The following CORO7 variants were observed in gnomAD, a reference collection of about 807,000 sequenced individuals.
CORO7 encodes coronin-7.
CORO7 carries 107 observed loss-of-function variants against 126.6 expected under a neutral mutation model. The observed-to-expected ratio is 0.85, with a 90% CI of 0.72 to 0.99. The LOEUF is 0.99. Among genes scored for constraint, CORO7 ranks in the 50% least tolerant of loss-of-function variants. The pLI is 0.00. For missense variants in CORO7, 1,314 were observed against 1,255.8 expected (o/e 1.05, Z -0.70); for synonymous variants, 603 against 536.8 (o/e 1.12, Z -1.70).
In CORO7 at chr16:4,362,294, T is replaced by C. The variant is rs975479516; in HGVS notation, c.1403-134A>G. 1.5e-6 allele frequency: 2 copies of C among 1,292,478 alleles called. No individual in the cohort carries two copies. Among genetic ancestry groups the C allele is most frequent in the Non-Finnish European group, 2.1e-6 (2 of 959,386 alleles). The allele number at this position is 1,292,478 out of a possible 1,614,324, so 80.1% of individuals were successfully genotyped here. A position where few individuals can be genotyped will look rare whatever the true frequency, so the allele number is the denominator to read the frequency against. On this transcript the variant is annotated intron_variant, in intron 15 of 27. Coordinates refer to ENST00000251166, the MANE Select transcript of CORO7 (RefSeq NM_024535.5). This position sits in a 1 kb window ranked among gnomAD's most constrained non-coding sequence, Gnocchi z 5.3. ...CATGGACCTAGGCCCAGGCCTTTGC[T>C]AATCCAGTGGATGCAACTCGCCCAG... is the stretch of plus-strand genomic sequence containing the variant.
In CORO7 at chr16:4,360,497, T is replaced by G. The variant is rs2054130845; in HGVS notation, c.1969A>C (p.Lys657Gln). 10 of 1,611,910 alleles carry G rather than the reference T, an allele frequency of 6.2e-6. No individual in the cohort carries two copies. The highest frequency in any genetic ancestry group is 8.5e-6 in the Non-Finnish European group (10 of 1,179,572). The change falls in exon 20 of 28, where the codon AAG (lysine) becomes CAG (glutamine). Residue 657 changes from lysine to glutamine, a missense_variant. Coordinates refer to ENST00000251166, the MANE Select transcript of CORO7 (RefSeq NM_024535.5). ...CTGTAGACCCGCACACGCCCATCCTTGCAGACAGTGGCCAGCTGCTGCCCA... is the reference window on the plus strand; with the variant it reads ...CTGTAGACCCGCACACGCCCATCCTGGCAGACAGTGGCCAGCTGCTGCCCA... ...PDGQQLATVC[K>Q]DGRVRVYRPR...
At chr16:4,387,608 A>C (rs1427966968) in intron 9 of CORO7, among the ~76,000 whole-genome samples, 1 of 139,966 alleles carries the variant, frequency 7.1e-6, no homozygotes, top group African/African-American at 2.7e-5. Flanking sequence ...CTCCTATCAT[A>C]GCCTGGAGCC....
chr16:4,398,079 C>T (rs1295796562), intron 6 of CORO7, among the ~76,000 whole-genome samples: 1 of 151,830 alleles, frequency 6.6e-6, no homozygotes, highest in Admixed American at 6.6e-5. Flanking sequence ...CCAGGCCCTG[C>T]TAATGTTTTA....
intron 23 of CORO7, chr16:4,358,819 C>T (rs2054066350): frequency 3.1e-6 from 1 of 321,468 alleles, no homozygotes; most frequent in Non-Finnish European, 5.7e-6. Flanking sequence ...GACCTCAGCA[C>T]AAATAATAGT....
rs149765522 is a variant in CORO7 at position 4,364,831 on chromosome 16, C to T, written c.988G>A (p.Val330Ile). 1.6e-5 allele frequency: 25 copies of T among 1,612,086 alleles called. No individual in the cohort carries two copies. Among genetic ancestry groups the T allele is most frequent in the African/African-American group, 1.1e-4 (8 of 74,936 alleles). The part of the protein sequence containing the change: ...LAVMSCEVLR[V>I]LQLSDTAIVP... ...ATGGCTGTGTCGCTCAGCTGTAGGACGCGGAGTACCTCGCAGCTCATGACG... is the reference window on the plus strand; with the variant it reads ...ATGGCTGTGTCGCTCAGCTGTAGGATGCGGAGTACCTCGCAGCTCATGACG... Residue 330 changes from valine (V) to isoleucine (I), a missense_variant, in exon 12 of 28, where the codon GTC (valine) becomes ATC (isoleucine). Physicochemically the swap from Val to Ile is conservative, Grantham distance 29. Coordinates refer to ENST00000251166, the MANE Select transcript of CORO7 (RefSeq NM_024535.5).
At chr16:4,373,656 C>G (rs534422471) in intron 9 of CORO7, among the ~76,000 whole-genome samples, 44 of 152,176 alleles carry the variant, frequency 2.9e-4, no homozygotes, top group Admixed American at 5.2e-4. Context: ...ATTACTGTCA[C>G]CCCCACTGAC....
intron 7 of CORO7, among the ~76,000 whole-genome samples, chr16:4,389,749 C>T (rs769383714): frequency 5.9e-5 from 9 of 152,240 alleles, no homozygotes; most frequent in Non-Finnish European, 1.3e-4. Context: ...GCCAGCCCTG[C>T]CCTCAACACC....
In CORO7 at chr16:4,405,678, G is replaced by T. The variant is rs889301068; in HGVS notation, c.488-111C>A. 9 of 1,295,946 alleles carry T rather than the reference G, an allele frequency of 6.9e-6. No individual in the cohort carries two copies. In the African/African-American group the frequency reaches 1.2e-4, roughly 17 times the overall value. 80.3% of individuals were successfully genotyped at this position (1,295,946 alleles called of 1,614,324 possible). On this transcript the variant is annotated intron_variant, in intron 5 of 27. Transcript: ENST00000251166. ...CAGAGCAAAGGCAGCAGCTACGAGGGTCCTTTTCAGCCAAGGGGGCAAGGG... is the reference window on the plus strand; with the variant it reads ...CAGAGCAAAGGCAGCAGCTACGAGGTTCCTTTTCAGCCAAGGGGGCAAGGG...
chr16:4,389,622 T>G (rs1229317449), intron 7 of CORO7, among the ~76,000 whole-genome samples: 1 of 152,154 alleles, frequency 6.6e-6, no homozygotes, highest in Non-Finnish European at 1.5e-5. Flanking sequence ...CACTGTTCCC[T>G]TCCCACCAGG....
At chr16:4,366,567 G>A (rs548665520) in intron 9 of CORO7, among the ~76,000 whole-genome samples, 1 of 141,002 alleles carries the variant, frequency 7.1e-6, no homozygotes, top group East Asian at 2.0e-4. Context: ...TAAGAGACAC[G>A]GTCTCCCTCT....
intron 26 of CORO7, chr16:4,356,439 T>G (rs899154452): frequency 2.0e-5 from 3 of 152,058 alleles, no homozygotes; most frequent in Non-Finnish European, 2.9e-5. Context: ...TTTATTTATT[T>G]ATTTATTTAT....
intron 9 of CORO7, among the ~76,000 whole-genome samples, chr16:4,371,411 T>G (rs1468073466): frequency 1.3e-5 from 2 of 152,194 alleles, no homozygotes. Context: ...GGATTTCCAG[T>G]TTCTCTTCAA....
chr16:4,375,618 G>C (rs1467418349), intron 9 of CORO7, among the ~76,000 whole-genome samples: 1 of 152,202 alleles, frequency 6.6e-6, no homozygotes, highest in African/African-American at 2.4e-5. Context: ...CTCCCAAGTA[G>C]CTGGGACTAC....
At position 4,358,505 on chromosome 16, in the gene CORO7, A is replaced by T. The variant is rs544911580; in HGVS notation, c.2341-22T>A. 3.0e-5 allele frequency: 47 copies of T among 1,567,200 alleles called. No homozygotes were observed. The South Asian group carries it at 4.9e-4, about 17-fold the overall frequency. ...GGCCCTGGGGGAGCAAGGGAGTCGGAGCTGCCGCTGGGACCTAGAGCTCAT... is the reference window on the plus strand; with the variant it reads ...GGCCCTGGGGGAGCAAGGGAGTCGGTGCTGCCGCTGGGACCTAGAGCTCAT... On this transcript the variant is annotated intron_variant, in intron 23 of 27. Transcript: ENST00000251166.
At chr16:4,396,190 C>T (rs2055585159) in intron 6 of CORO7, among the ~76,000 whole-genome samples, 1 of 152,178 alleles carries the variant, frequency 6.6e-6, no homozygotes, top group African/African-American at 2.4e-5. Context: ...AGCGATTCTC[C>T]TGCCTTAGCC....
At chr16:4,405,788 A>G (rs1567301164) in intron 5 of CORO7, among the ~76,000 whole-genome samples, 1 of 144,668 alleles carries the variant, frequency 6.9e-6, no homozygotes, top group Non-Finnish European at 1.6e-5. Flanking sequence ...TCACTCAACT[A>G]CCTTCCGAGG....
chr16:4,400,713 A>G (rs2055767452), intron 6 of CORO7, among the ~76,000 whole-genome samples: 1 of 151,756 alleles, frequency 6.6e-6, no homozygotes, highest in Admixed American at 6.6e-5. Flanking sequence ...CTAACTACAC[A>G]GGAGGCTGAG....
chr16:4,409,376 C>A (rs1340098239), intron 3 of CORO7, among the ~76,000 whole-genome samples: 1 of 152,230 alleles, frequency 6.6e-6, no homozygotes, highest in Non-Finnish European at 1.5e-5. Flanking sequence ...CAGGGCAAAG[C>A]AGGTCCCTGG....
chr16:4,395,661 A>G (rs1359729399), intron 6 of CORO7, among the ~76,000 whole-genome samples: 5 of 152,130 alleles, frequency 3.3e-5, no homozygotes, highest in African/African-American at 9.7e-5. Flanking sequence ...CAACTACCCT[A>G]TGAAGTGGTA....
Sources: gnomAD v4.1 joint callset for allele counts (sites outside exome capture counted in the v4.1 genomes callset) on GRCh38, gnomAD v4.1.1 for gene constraint, Gnocchi (gnomAD v3.1) non-coding constraint, MANE v1.5 for transcripts, NCBI Gene and HGNC (gene_info 2026-07-23, HGNC 2026-07-21) for gene names.